HSD17B12: variants seen among roughly 807,000 people sequenced by gnomAD.
The protein encoded by HSD17B12 is hydroxysteroid 17-beta dehydrogenase 12.
HSD17B12 carries 32 observed loss-of-function variants against 39.3 expected under a neutral mutation model. That is an observed-to-expected ratio of 0.81 (90% CI 0.61 to 1.09). The LOEUF (loss-of-function observed/expected upper bound fraction) is 1.09, where lower values mean the gene tolerates loss of function less well. Among genes scored for constraint, HSD17B12 ranks in the 50% least tolerant of loss-of-function variants. HSD17B12 has a pLI of 0.00. For missense variants in HSD17B12, 342 were observed against 382.9 expected (o/e 0.89, Z 0.89); for synonymous variants, 150 against 146.7 (o/e 1.02, Z -0.16).
At chr11:43,728,476 TA>T (rs540685992) in intron 1 of HSD17B12, among the ~76,000 whole-genome samples, 23 of 148,734 alleles carry the variant, frequency 1.5e-4, no homozygotes, top group Non-Finnish European at 1.9e-4. Context: ...TCCAGCTAAG[TA>T]AAAAAAAAAG....
chr11:43,714,097 TC>T (rs1950097496), intron 1 of HSD17B12, among the ~76,000 whole-genome samples: 1 of 152,206 alleles, frequency 6.6e-6, no homozygotes, highest in Non-Finnish European at 1.5e-5. Flanking sequence ...GATGGTAGTT[TC>T]TTTTGCTGTG....
intron 2 of HSD17B12, among the ~76,000 whole-genome samples, 184 bp downstream of exon 2, chr11:43,751,141 G>T (rs1950461473): frequency 6.6e-6 from 1 of 152,022 alleles, no homozygotes; most frequent in Non-Finnish European, 1.5e-5. Context: ...ACAATTTTTT[G>T]AAACAAATTT....
At chr11:43,753,261 A>C (rs943382820) in intron 2 of HSD17B12, among the ~76,000 whole-genome samples, 9 of 152,176 alleles carry the variant, frequency 5.9e-5, no homozygotes, top group Non-Finnish European at 1.3e-4. Context: ...TGGTCCATAA[A>C]GTATAATGCT....
the HSD17B12 span, among the ~76,000 whole-genome samples, chr11:43,653,879 A>G: frequency 1.3e-5 from 2 of 152,192 alleles, no homozygotes; most frequent in African/African-American, 4.8e-5. Context: ...ATGTGTCTTT[A>G]TAGCAGCATG....
At chr11:43,680,084 T>C (rs1167313853), upstream of HSD17B12, among the ~76,000 whole-genome samples, 1 of 147,186 alleles carries the variant, frequency 6.8e-6, no homozygotes, top group East Asian at 2.0e-4. Flanking sequence ...TTTTTTTTTG[T>C]TTTTGTTTTG....
the HSD17B12 span, among the ~76,000 whole-genome samples, chr11:43,608,265 C>T: frequency 1.3e-5 from 2 of 151,170 alleles, no homozygotes; most frequent in Admixed American, 6.6e-5. Context: ...ATCTGGGAGG[C>T]TGAGGTGGAT....
intron 1 of HSD17B12, among the ~76,000 whole-genome samples, chr11:43,699,209 T>C (rs1949939977): frequency 6.6e-6 from 1 of 152,190 alleles, no homozygotes; most frequent in Non-Finnish European, 1.5e-5. Flanking sequence ...ATAAGCATTA[T>C]TATAAGAGAT....
At chr11:43,677,428 C>T (rs1248638263), upstream of HSD17B12, among the ~76,000 whole-genome samples, 1 of 152,090 alleles carries the variant, frequency 6.6e-6, no homozygotes, top group Non-Finnish European at 1.5e-5. Flanking sequence ...GTGTGAAGCA[C>T]TTTATTGTTT....
At position 43,815,475 on chromosome 11, in the gene HSD17B12, T is replaced by C; in HGVS notation, c.430T>C (p.Phe144Leu). 1 of 1,580,368 alleles carries C rather than the reference T, an allele frequency of 6.3e-7. No individual in the cohort carries two copies. Among genetic ancestry groups the C allele is most frequent in the Non-Finnish European group, 8.6e-7 (1 of 1,156,422 alleles). Reference sequence around the variant, plus strand: ...AATGTCGTATGAGTATCCTGAATACTTTTTGGATGTTCCTGACTTGGACAA... The same window carrying C: ...AATGTCGTATGAGTATCCTGAATACCTTTTGGATGTTCCTGACTTGGACAA... ...VGMSYEYPEY[F>L]LDVPDLDNVI... The change falls in exon 5 of 11, where the codon TTT becomes CTT. Residue 144 changes from phenylalanine to leucine, a missense_variant. By Grantham distance (22) the Phe-to-Leu change is conservative. Coordinates refer to ENST00000278353, the MANE Select transcript of HSD17B12 (RefSeq NM_016142.3).
At chr11:43,560,490 A>T in the HSD17B12 span, among the ~76,000 whole-genome samples, 1 of 152,164 alleles carries the variant, frequency 6.6e-6, no homozygotes, top group Non-Finnish European at 1.5e-5. Context: ...TTCCTTCTGC[A>T]TTTGAAGCAT....
At chr11:43,722,589 G>A (rs919812173) in intron 1 of HSD17B12, among the ~76,000 whole-genome samples, 15 of 152,132 alleles carry the variant, frequency 9.9e-5, no homozygotes, top group African/African-American at 3.1e-4. Flanking sequence ...GCTCACACCT[G>A]TAATCCCAGC....
chr11:43,741,797 G>A (rs1424378815), intron 1 of HSD17B12, among the ~76,000 whole-genome samples: 5 of 144,184 alleles, frequency 3.5e-5, no homozygotes, highest in South Asian at 4.3e-4. Flanking sequence ...GCAGTGGCGC[G>A]ACCTCGGCTC....
chr11:43,819,382 T>A (rs1295558933), intron 6 of HSD17B12, among the ~76,000 whole-genome samples: 1 of 152,206 alleles, frequency 6.6e-6, no homozygotes, highest in Non-Finnish European at 1.5e-5. Flanking sequence ...TCAGTCATCC[T>A]GCTGTGCTTC....
chr11:43,703,304 C>G (rs920661369), intron 1 of HSD17B12, among the ~76,000 whole-genome samples: 1 of 151,688 alleles, frequency 6.6e-6, no homozygotes, highest in African/African-American at 2.4e-5. Context: ...ACGCCATTCT[C>G]CTGCCTCAGC....
Position 43,816,334 on chromosome 11 carries a change from T to C in HSD17B12, c.457-13T>C. 1 of 1,483,998 alleles carries C rather than the reference T, an allele frequency of 6.7e-7. No individual in the cohort carries two copies. Among genetic ancestry groups the C allele is most frequent in the Non-Finnish European group, 9.1e-7 (1 of 1,095,118 alleles). The allele number at this position is 1,483,998 out of a possible 1,614,324, so 91.9% of individuals were successfully genotyped here. Reference sequence around the variant, plus strand: ...GATCAAGTGTATATAAAATTCTCAATATTTTTTTGCAGGTGATCAAGAAAA... The same window carrying C: ...GATCAAGTGTATATAAAATTCTCAACATTTTTTTGCAGGTGATCAAGAAAA... On this transcript the variant is annotated splice_polypyrimidine_tract_variant and intron_variant, in intron 5 of 10. Coordinates refer to ENST00000278353, the MANE Select transcript of HSD17B12 (RefSeq NM_016142.3).
intron 1 of HSD17B12, among the ~76,000 whole-genome samples, chr11:43,710,985 G>A (rs183961800): frequency 2.6e-5 from 4 of 152,098 alleles, no homozygotes; most frequent in Non-Finnish European, 5.9e-5. Context: ...TAGAGATAGG[G>A]TTTCACTATG....
At chr11:43,755,464 C>T (rs1950500098) in intron 3 of HSD17B12, 1 of 152,248 alleles carries the variant, frequency 6.6e-6, no homozygotes, top group Non-Finnish European at 1.5e-5. Flanking sequence ...CTTGGCCCTA[C>T]ACAGAGGATT....
chr11:43,702,535 C>A (rs1949974412), intron 1 of HSD17B12, among the ~76,000 whole-genome samples: 1 of 152,172 alleles, frequency 6.6e-6, no homozygotes, highest in Non-Finnish European at 1.5e-5. Flanking sequence ...TTAATTTTAT[C>A]AAATGCTTTT....
the HSD17B12 span, among the ~76,000 whole-genome samples, chr11:43,655,312 C>T: frequency 1.2e-4 from 18 of 152,242 alleles, no homozygotes; most frequent in East Asian, 2.1e-3. Flanking sequence ...TGGGCTGAGA[C>T]GATGGGGTTT....
Sources: gnomAD v4.1 joint callset for allele counts (sites outside exome capture counted in the v4.1 genomes callset) on GRCh38, gnomAD v4.1.1 for gene constraint, MANE v1.5 for transcripts, NCBI Gene and HGNC (gene_info 2026-07-23, HGNC 2026-07-21) for gene names.